Variants in TRAPPC9 observed in about 807,000 individuals in gnomAD.
TRAPPC9 encodes trafficking protein particle complex subunit 9, also known as IKK2 binding protein.
In TRAPPC9, 83 loss-of-function variants were observed where a neutral mutation model predicts 124.0. The ratio of observed to expected loss-of-function variants is 0.67; its 90% CI spans 0.56 to 0.80. The LOEUF is 0.80. Among genes scored for constraint, TRAPPC9 ranks in the 30% least tolerant of loss-of-function variants. TRAPPC9 has a pLI of 0.00. For missense variants in TRAPPC9, 1,302 were observed against 1,508.3 expected (o/e 0.86, Z 2.27); for synonymous variants, 638 against 617.5 (o/e 1.03, Z -0.49).
At chr8:139,805,040 C>T (rs1823945644) in intron 21 of TRAPPC9, among the ~76,000 whole-genome samples, 1 of 152,172 alleles carries the variant, frequency 6.6e-6, no homozygotes, top group Admixed American at 6.5e-5. Flanking sequence ...GAGAGGGGTC[C>T]TCATGCTGGG....
chr8:140,051,206 G>A (rs937464202), intron 17 of TRAPPC9, among the ~76,000 whole-genome samples: 2 of 152,192 alleles, frequency 1.3e-5, no homozygotes, highest in African/African-American at 2.4e-5. Flanking sequence ...CTGAAGGGGC[G>A]GTGGAGCCTT....
chr8:139,843,793 CAATT>C (rs1281864230), intron 21 of TRAPPC9, among the ~76,000 whole-genome samples: 1 of 152,202 alleles, frequency 6.6e-6, no homozygotes, highest in Non-Finnish European at 1.5e-5. Flanking sequence ...CGTGACACCT[CAATT>C]TTAGCCCAGG....
At chr8:140,153,523 T>C (rs2061581458) in intron 17 of TRAPPC9, among the ~76,000 whole-genome samples, 1 of 152,188 alleles carries the variant, frequency 6.6e-6, no homozygotes, top group Non-Finnish European at 1.5e-5. Context: ...TCTAATGTTA[T>C]GTTTATGGCT....
chr8:139,973,567 T>G (rs957201125), intron 19 of TRAPPC9, among the ~76,000 whole-genome samples: 1 of 152,162 alleles, frequency 6.6e-6, no homozygotes, highest in Non-Finnish European at 1.5e-5. Flanking sequence ...GAAGAGGGAA[T>G]AGTAACGGAA....
intron 7 of TRAPPC9, 44 bp from the exon 8 acceptor site, chr8:140,371,224 T>G: frequency 1.3e-6 from 2 of 1,531,394 alleles, no homozygotes; most frequent in Non-Finnish European, 1.8e-6. Flanking sequence ...AAGAAACGTA[T>G]AAGTGAAAAA....
chr8:139,888,085 T>G (rs1227857340), intron 20 of TRAPPC9, among the ~76,000 whole-genome samples: 1 of 152,226 alleles, frequency 6.6e-6, no homozygotes, highest in Non-Finnish European at 1.5e-5. Context: ...AGTCCGCACA[T>G]GCTGCTTGCT....
chr8:139,774,367 C>T (rs151092147), intron 21 of TRAPPC9, among the ~76,000 whole-genome samples: 46 of 152,188 alleles, frequency 3.0e-4, no homozygotes, highest in Non-Finnish European at 5.0e-4. Context: ...TGGCCAGCCT[C>T]AGGAAGGGCT....
chr8:140,109,342 C>T (rs1351303849), intron 17 of TRAPPC9, among the ~76,000 whole-genome samples: 2 of 152,066 alleles, frequency 1.3e-5, no homozygotes, highest in Non-Finnish European at 2.9e-5. Context: ...ATAGGGCACT[C>T]TGGTAATAAC....
At chr8:140,259,399 C>G (rs1468941542) in intron 15 of TRAPPC9, among the ~76,000 whole-genome samples, 3 of 152,182 alleles carry the variant, frequency 2.0e-5, no homozygotes. Flanking sequence ...GGGACCAGAC[C>G]TTGCCTTTGA....
At chr8:140,355,072 T>C (rs1157692439) in intron 9 of TRAPPC9, among the ~76,000 whole-genome samples, 1 of 152,238 alleles carries the variant, frequency 6.6e-6, no homozygotes, top group African/African-American at 2.4e-5. Flanking sequence ...AATATGACTT[T>C]AAATAACCAT....
chr8:140,322,348 C>T (rs1340759910), intron 9 of TRAPPC9, among the ~76,000 whole-genome samples: 1 of 152,198 alleles, frequency 6.6e-6, no homozygotes, highest in Non-Finnish European at 1.5e-5. Context: ...CCCAGCTCAA[C>T]TGCAGATCAG....
Position 140,142,240 on chromosome 8 carries a change from C to T in TRAPPC9, c.2556+79219G>A, listed in dbSNP as rs542757519. Among the ~76,000 whole-genome samples the T allele has an allele frequency of 1.8e-4, 28 of 152,348 alleles. No individual in the cohort carries two copies. In the South Asian group the frequency reaches 4.1e-3, roughly 23 times the overall value. ...GGCATCTCGTGCACACATTCGCACA[C>T]GCACAGAAAGATTTTTCATTTTCTT... is the stretch of plus-strand genomic sequence containing the variant. On this transcript the variant is annotated intron_variant, in intron 17 of 22. Transcript: ENST00000438773.
intron 17 of TRAPPC9, chr8:140,081,852 TCTGTCCTCAG>T (rs1012928873): frequency 2.6e-5 from 4 of 152,216 alleles, no homozygotes; most frequent in Non-Finnish European, 5.9e-5. Flanking sequence ...AGTCCATATC[TCTGTCCTCAG>T]CATTGCGCCC....
intron 9 of TRAPPC9, among the ~76,000 whole-genome samples, chr8:140,334,637 G>A (rs577055534): frequency 4.9e-4 from 73 of 149,614 alleles, no homozygotes; most frequent in African/African-American, 1.6e-3. Context: ...GCGACAGAGC[G>A]AGACTCTGTC....
chr8:140,300,429 G>A (rs2065941819), intron 11 of TRAPPC9, 40 bp downstream of exon 11: 1 of 1,613,658 alleles, frequency 6.2e-7, no homozygotes, highest in African/African-American at 1.3e-5. Flanking sequence ...TGGAAATCAG[G>A]TGGCAGAGCA....
intron 9 of TRAPPC9, among the ~76,000 whole-genome samples, chr8:140,344,794 C>T (rs1042190855): frequency 5.3e-5 from 8 of 152,378 alleles, no homozygotes; most frequent in African/African-American, 1.9e-4. Flanking sequence ...TCAGGTGGAC[C>T]TGGGAGGCCT....
chr8:140,211,967 A>G (rs189415068), intron 17 of TRAPPC9, among the ~76,000 whole-genome samples: 1 of 152,264 alleles, frequency 6.6e-6, no homozygotes, highest in Non-Finnish European at 1.5e-5. Flanking sequence ...GGACACAGGA[A>G]GAAGGGCCTG....
At chr8:140,138,383 T>C (rs923422544) in intron 17 of TRAPPC9, among the ~76,000 whole-genome samples, 1 of 152,174 alleles carries the variant, frequency 6.6e-6, no homozygotes, top group African/African-American at 2.4e-5. Flanking sequence ...ACTGTGTGTA[T>C]GTTTAACACA....
chr8:140,072,522 A>AAG (rs1286827342), intron 17 of TRAPPC9, among the ~76,000 whole-genome samples: 1 of 141,714 alleles, frequency 7.1e-6, no homozygotes, highest in African/African-American at 2.6e-5. Flanking sequence ...CGTCTCAAAA[A>AAG]AAAAAGGAGG....
Sources: allele counts gnomAD v4.1 joint callset (sites outside exome capture counted in the v4.1 genomes callset), GRCh38; gene constraint gnomAD v4.1.1; transcripts MANE v1.5; gene names NCBI Gene and HGNC (gene_info 2026-07-23, HGNC 2026-07-21).